LCP1: variants seen among roughly 807,000 people sequenced by gnomAD.
LCP1 encodes the protein lymphocyte cytosolic protein 1, also known as plastin-2.
A neutral mutation model predicts 72.0 loss-of-function variants in LCP1; 23 were observed. That is an observed-to-expected ratio of 0.32 (90% CI 0.23 to 0.45). LCP1 has a LOEUF of 0.45. Ranked by LOEUF, LCP1 falls within the 20% of genes least tolerant of loss-of-function variation. LCP1 has a pLI of 1.00. For missense variants in LCP1, 571 were observed against 748.3 expected (o/e 0.76, Z 2.76); for synonymous variants, 245 against 275.4 (o/e 0.89, Z 1.09).
At chr13:46,128,591 C>T (rs547307431) in intron 15 of LCP1, among the ~76,000 whole-genome samples, 47 of 151,898 alleles carry the variant, frequency 3.1e-4, no homozygotes, top group African/African-American at 1.1e-3. Context: ...AAGTGAGACT[C>T]CGTCTCAGAA....
intron 2 of LCP1, 35 bp downstream of exon 2, chr13:46,159,564 A>C (rs2045824941): frequency 2.6e-6 from 4 of 1,559,280 alleles, no homozygotes; most frequent in Non-Finnish European, 3.5e-6. Flanking sequence ...AGTGAAGAAG[A>C]GAATGATGCA....
In LCP1 at chr13:46,127,329, CTTCT is replaced by C; in HGVS notation, c.*258_*261del. ...AGCGAGAAGGGTACCTGGAAAATAA[CTTCT>C]TTCTTTTCCTCTAGATTTTCGAAGA... On this transcript the variant is annotated 3_prime_UTR_variant, in exon 16 of 16. Coordinates refer to ENST00000323076, the MANE Select transcript of LCP1 (RefSeq NM_002298.5). 2.7e-6 allele frequency: 1 copy of C among 368,932 alleles called. No individual in the cohort carries two copies. The highest frequency in any genetic ancestry group is 4.9e-6 in the Non-Finnish European group (1 of 205,738). 22.9% of individuals were successfully genotyped at this position (368,932 alleles called of 1,614,324 possible). A position where few individuals can be genotyped will look rare whatever the true frequency, so the allele number is the denominator to read the frequency against.
intron 4 of LCP1, among the ~76,000 whole-genome samples, chr13:46,157,871 C>T (rs113478559): frequency 2.0e-5 from 3 of 151,650 alleles, no homozygotes; most frequent in African/African-American, 7.3e-5. Flanking sequence ...CTCAGCTTCC[C>T]GAGTCGATGA....
rs9595415 is a variant in LCP1 at position 46,126,478 on chromosome 13, A to T, written c.*1113T>A. ...AGCTGGCTAGGTGTGTGTGTATGTG[A>T]GTAGGGGTGCTATTGATTGGCACAT... On this transcript the variant is annotated 3_prime_UTR_variant, in exon 16 of 16. Transcript: ENST00000323076. 2,273 of 232,734 alleles carry T rather than the reference A, an allele frequency of 9.8e-3. 44 individuals carry two copies. The highest frequency in any genetic ancestry group is 0.046 in the African/African-American group (2,088 of 45,408). The allele number at this position is 232,734 out of a possible 1,614,324, so 14.4% of individuals were successfully genotyped here. A position where few individuals can be genotyped will look rare whatever the true frequency, so the allele number is the denominator to read the frequency against.
At position 46,158,963 on chromosome 13, in the gene LCP1, A is replaced by C; in HGVS notation, c.91T>G (p.Phe31Val). ...TTGAACAAGTCATTCAACTCATTGA[A>C]GCTGATGTATCCATTGCCATCAGTA... ...VDTDGNGYIS[F>V]NELNDLFKAA... Residue 31 changes from phenylalanine (F) to valine (V), a missense_variant, in exon 3 of 16, where the codon TTC becomes GTC. Transcript: ENST00000323076. 6.2e-7 allele frequency: 1 copy of C among 1,614,136 alleles called. No individual in the cohort carries two copies. The highest frequency in any genetic ancestry group is 1.1e-5 in the South Asian group (1 of 91,082).
intron 1 of LCP1, among the ~76,000 whole-genome samples, chr13:46,161,535 A>ATC (rs1566443141): frequency 6.6e-6 from 1 of 151,704 alleles, no homozygotes; most frequent in Non-Finnish European, 1.5e-5. Flanking sequence ...CTTTCTTGTC[A>ATC]TCTCTCTCTC....
intron 8 of LCP1, among the ~76,000 whole-genome samples, chr13:46,149,324 T>C (rs1353041900): frequency 1.3e-5 from 2 of 152,186 alleles, no homozygotes; most frequent in African/African-American, 2.4e-5. Context: ...GTGTGAATCA[T>C]TGATGTTGCA....
chr13:46,143,544 T>C (rs2045711080), intron 11 of LCP1, 140 bp from the exon 12 acceptor site: 2 of 588,494 alleles, frequency 3.4e-6, no homozygotes, highest in Non-Finnish European at 3.0e-6. Flanking sequence ...GCTCCATCTA[T>C]AGAGGTGAAG....
rs779484669 is a variant in LCP1 at position 46,159,608 on chromosome 13, C to T, written c.55G>A (p.Ala19Thr). 1 of 1,613,940 alleles carries T rather than the reference C, an allele frequency of 6.2e-7. No individual in the cohort carries two copies. Among genetic ancestry groups the T allele is most frequent in the Non-Finnish European group, 8.5e-7 (1 of 1,179,936 alleles). Residue 19 changes from alanine (A) to threonine (T), a missense_variant, in exon 2 of 16, where the codon GCC (alanine) becomes ACC (threonine). By Grantham distance (58) the Ala-to-Thr change is moderately conservative (BLOSUM62 0). Coordinates refer to ENST00000323076, the MANE Select transcript of LCP1 (RefSeq NM_002298.5). ...EEMMELREAF[A>T]KVDTDGNGYI... is the part of the protein sequence containing the mutation. Reference sequence around the variant, plus strand: ...TACCAGGTCTACTCACCAACTTTGGCAAAAGCTTCTCTGAGCTCCATCATT... The same window carrying T: ...TACCAGGTCTACTCACCAACTTTGGTAAAAGCTTCTCTGAGCTCCATCATT...
In LCP1 at chr13:46,127,651, G is replaced by T; in HGVS notation, c.1824C>A (p.Asn608Lys). The change falls in exon 16 of 16, where the codon AAC becomes AAA. Residue 608 changes from asparagine to lysine, a missense_variant. Coordinates refer to ENST00000323076, the MANE Select transcript of LCP1 (RefSeq NM_002298.5). ...YALPEDLVEV[N>K]PKMVMTVFAC... ...CAAACACGGTCATGACCATTTTGGG[G>T]TTCACTTCAACCAGGTCTTCTGGCA... 6.2e-7 allele frequency: 1 copy of T among 1,614,132 alleles called. No individual in the cohort carries two copies. Among genetic ancestry groups the T allele is most frequent in the Non-Finnish European group, 8.5e-7 (1 of 1,180,018 alleles).
chr13:46,136,623 C>A (rs976427721), intron 13 of LCP1, among the ~76,000 whole-genome samples: 1 of 152,136 alleles, frequency 6.6e-6, no homozygotes, highest in Admixed American at 6.5e-5. Context: ...GGAAAAGATC[C>A]TACTTTTGAT....
rs933586773 is a variant in LCP1, at chr13:46,126,070, T to C, written c.*1521A>G. ...CAATCTGAAGTCAAAACCAACCAAT[T>C]TGTATTCAGAAGCAGCAAAAATACT... On this transcript the variant is annotated 3_prime_UTR_variant, in exon 16 of 16. Coordinates refer to ENST00000323076, the MANE Select transcript of LCP1 (RefSeq NM_002298.5). 7.6e-5 allele frequency: 16 copies of C among 211,828 alleles called. No homozygotes were observed. The highest frequency in any genetic ancestry group is 4.3e-4 in the East Asian group (6 of 14,038). 13.1% of individuals were successfully genotyped at this position (211,828 alleles called of 1,614,324 possible).
intron 15 of LCP1, among the ~76,000 whole-genome samples, chr13:46,129,373 A>G (rs952764210): frequency 6.6e-5 from 10 of 152,136 alleles, no homozygotes; most frequent in African/African-American, 2.4e-4. Flanking sequence ...AAGGCTTTTT[A>G]CAATTTCTGG....
chr13:46,166,501 A>T (rs2045877255), intron 1 of LCP1, among the ~76,000 whole-genome samples: 1 of 152,222 alleles, frequency 6.6e-6, no homozygotes, highest in Admixed American at 6.5e-5. Context: ...GTTAAAGTCA[A>T]ACCGGACACT....
At position 46,127,480 on chromosome 13, in the gene LCP1, C is replaced by T. The variant is rs2045605884; in HGVS notation, c.*111G>A. ...TGCACTAATATGTGCTTTTTGGAAT[C>T]TTATAGAGTGTCACCAAGTTGAACT... On this transcript the variant is annotated 3_prime_UTR_variant, in exon 16 of 16. Coordinates refer to ENST00000323076, the MANE Select transcript of LCP1 (RefSeq NM_002298.5). 3.6e-6 allele frequency: 5 copies of T among 1,394,426 alleles called. No individual in the cohort carries two copies. Among genetic ancestry groups the T allele is most frequent in the Admixed American group, 2.0e-5 (1 of 50,612 alleles). 86.4% of individuals were successfully genotyped at this position (1,394,426 alleles called of 1,614,324 possible).
chr13:46,173,407 G>A (rs1385483554), intron 1 of LCP1, among the ~76,000 whole-genome samples: 1 of 152,152 alleles, frequency 6.6e-6, no homozygotes, highest in East Asian at 1.9e-4. Context: ...CCTGGTGACT[G>A]AAGGGAGAAA....
chr13:46,134,048 G>GTCACTTGAA (rs1457542922), intron 14 of LCP1, 79 bp downstream of exon 14: 2 of 1,460,952 alleles, frequency 1.4e-6, no homozygotes, highest in Non-Finnish European at 1.9e-6. Flanking sequence ...ACCACTGAAG[G>GTCACTTGAA]TCACTTGAAC....
chr13:46,140,739 G>T (rs746594119), intron 13 of LCP1, among the ~76,000 whole-genome samples: 39 of 152,056 alleles, frequency 2.6e-4, no homozygotes, highest in Non-Finnish European at 5.0e-4. Flanking sequence ...AGAAGGTAAA[G>T]GAAAGGACAG....
At chr13:46,157,576 C>G (rs1401656986) in intron 4 of LCP1, among the ~76,000 whole-genome samples, 3 of 152,058 alleles carry the variant, frequency 2.0e-5, no homozygotes, top group Non-Finnish European at 4.4e-5. Flanking sequence ...TCAGAGAAAT[C>G]CTGAGTCATA....
Sources: allele counts gnomAD v4.1 joint callset (sites outside exome capture counted in the v4.1 genomes callset), GRCh38; gene constraint gnomAD v4.1.1; transcripts MANE v1.5; gene names NCBI Gene and HGNC (gene_info 2026-07-23, HGNC 2026-07-21).